RIPOR2: variants seen among roughly 807,000 people sequenced by gnomAD.
The protein encoded by RIPOR2 is RHO family interacting cell polarization regulator 2.
Under a neutral mutation model 114.5 loss-of-function variants are expected in RIPOR2, and 39 were observed. The ratio of observed to expected loss-of-function variants is 0.34; its 90% confidence interval spans 0.26 to 0.44. The LOEUF (loss-of-function observed/expected upper bound fraction) is 0.44. RIPOR2 is among the 20% of genes least tolerant of loss of function. The pLI is 1.00. For synonymous variants in RIPOR2, 445 were observed against 484.4 expected (o/e 0.92, Z 1.07); for missense variants, 1,007 against 1,255.1 (o/e 0.80, Z 2.99).
At chr6:24,833,231 A>C (rs1760821483) in intron 15 of RIPOR2, among the ~76,000 whole-genome samples, 1 of 152,178 alleles carries the variant, frequency 6.6e-6, no homozygotes, top group African/African-American at 2.4e-5. Context: ...GGGACTCTAA[A>C]ACAAATAGGA....
At chr6:24,955,028 C>T (rs1397350263) in intron 1 of RIPOR2, among the ~76,000 whole-genome samples, 3 of 152,154 alleles carry the variant, frequency 2.0e-5, no homozygotes, top group Middle Eastern at 3.4e-3. Context: ...GACATATATA[C>T]TGAGTATGTG....
intron 7 of RIPOR2, among the ~76,000 whole-genome samples, chr6:24,861,931 A>G (rs977792536): frequency 2.0e-5 from 3 of 152,254 alleles, no homozygotes; most frequent in African/African-American, 4.8e-5. Flanking sequence ...TTTGGGGCCA[A>G]AAGAGCACAA....
In RIPOR2 at chr6:24,949,767, G is replaced by A. The variant is rs553703950; in HGVS notation, c.77-73950C>T. ...TCAGAGATCTGAAGCTGGTTAGCAA[G>A]AGTTCACCAGGGCCTAGCTCCTTGT... On this transcript the variant is annotated intron_variant, in intron 1 of 13. Transcript: ENST00000510784. Among the ~76,000 whole-genome samples the A allele has an allele frequency of 3.3e-5, 5 of 152,366 alleles. No individual in the cohort carries two copies. In the South Asian group the frequency reaches 1.0e-3, roughly 32 times the overall value.
chr6:24,952,985 T>C (rs1184908237), intron 1 of RIPOR2, among the ~76,000 whole-genome samples: 1 of 152,176 alleles, frequency 6.6e-6, no homozygotes, highest in Non-Finnish European at 1.5e-5. Context: ...CCGAATTTCA[T>C]ATATAGAAGT....
intron 1 of RIPOR2, chr6:25,015,884 GC>G: frequency 8.3e-6 from 1 of 120,004 alleles, no homozygotes; most frequent in Admixed American, 9.2e-5. Flanking sequence ...CCTTAAAAAC[GC>G]AGGTTTTTTG....
intron 1 of RIPOR2, among the ~76,000 whole-genome samples, chr6:24,954,139 A>G (rs1017293439): frequency 2.0e-5 from 3 of 152,160 alleles, no homozygotes; most frequent in African/African-American, 7.2e-5. Context: ...GCCCTAAATA[A>G]AATTACCTGG....
intron 1 of RIPOR2, among the ~76,000 whole-genome samples, chr6:24,893,963 G>C (rs1767608902): frequency 2.0e-5 from 3 of 152,286 alleles, no homozygotes; most frequent in Middle Eastern, 6.8e-3. Flanking sequence ...AAAATGAAAA[G>C]ATTAAATGAT....
intron 4 of RIPOR2, among the ~76,000 whole-genome samples, chr6:24,871,748 T>C (rs1765199804): frequency 6.6e-6 from 1 of 152,172 alleles, no homozygotes; most frequent in Non-Finnish European, 1.5e-5. Context: ...GTATAATCAG[T>C]GCACTATCCT....
chr6:24,943,432 G>A (rs748675305), intron 1 of RIPOR2, among the ~76,000 whole-genome samples: 12 of 152,070 alleles, frequency 7.9e-5, no homozygotes, highest in Non-Finnish European at 1.6e-4. Context: ...CATGGCACAT[G>A]CATACGTATG....
intron 1 of RIPOR2, among the ~76,000 whole-genome samples, chr6:24,894,490 C>T (rs1767659056): frequency 6.6e-6 from 1 of 152,134 alleles, no homozygotes; most frequent in Non-Finnish European, 1.5e-5. Context: ...GCAGAATTCC[C>T]TTACTATTAA....
intron 1 of RIPOR2, among the ~76,000 whole-genome samples, chr6:25,032,133 A>T (rs1365206545): frequency 6.6e-6 from 1 of 150,684 alleles, no homozygotes; most frequent in African/African-American, 2.4e-5. Context: ...ACTCACTTAC[A>T]TGAATTTACT....
intron 19 of RIPOR2, among the ~76,000 whole-genome samples, chr6:24,822,784 T>C (rs1581489666): frequency 6.6e-6 from 1 of 152,194 alleles, no homozygotes; most frequent in African/African-American, 2.4e-5. Flanking sequence ...CTTCCCAAAG[T>C]GTTGGGATTA....
intron 8 of RIPOR2, among the ~76,000 whole-genome samples, chr6:24,855,861 C>G (rs902332399): frequency 1.4e-4 from 21 of 152,228 alleles, no homozygotes; most frequent in African/African-American, 3.6e-4. Context: ...CAGTGAGACC[C>G]TATCTCTACG....
intron 6 of RIPOR2, among the ~76,000 whole-genome samples, chr6:24,868,326 C>T (rs527898328): frequency 7.9e-5 from 12 of 152,096 alleles, no homozygotes; most frequent in Non-Finnish European, 1.5e-4. Context: ...GGGAATAGAA[C>T]CTAGGGCTTC....
intron 8 of RIPOR2, among the ~76,000 whole-genome samples, chr6:24,855,380 T>G (rs907387837): frequency 4.6e-5 from 7 of 152,294 alleles, no homozygotes; most frequent in African/African-American, 1.4e-4. Flanking sequence ...TTATTTTTTT[T>G]TTGTTATATT....
chr6:24,976,604 G>A, intron 1 of RIPOR2: 3 of 1,608,386 alleles, frequency 1.9e-6, no homozygotes, highest in Non-Finnish European at 2.6e-6. Flanking sequence ...CGTGCTCTGA[G>A]CACTGGAGAG....
rs376854579 is a variant in RIPOR2 at position 24,887,138 on chromosome 6, T to C, written c.62-11321A>G. ...GCAGCACAGCCAGAGGGCTCTCACA[T>C]TGCGAACCTCAAAACTTTGAATTAC... On this transcript the variant is annotated intron_variant, in intron 1 of 21. Transcript: ENST00000643898. Among the ~76,000 whole-genome samples, 65 of 152,378 alleles carry C rather than the reference T, an allele frequency of 4.3e-4. 1 individual carries two copies. The South Asian group carries it at 0.011, about 26-fold the overall frequency.
intron 1 of RIPOR2, among the ~76,000 whole-genome samples, chr6:25,002,069 T>C (rs190117483): frequency 2.0e-5 from 3 of 152,258 alleles, no homozygotes; most frequent in Non-Finnish European, 2.9e-5. Flanking sequence ...AAAACAGGCA[T>C]AGACAAATTA....
chr6:24,918,772 C>T (rs1329329660), intron 1 of RIPOR2, among the ~76,000 whole-genome samples: 11 of 152,202 alleles, frequency 7.2e-5, no homozygotes, highest in Admixed American at 7.2e-4. Flanking sequence ...AGGGAACACA[C>T]ACCGAAGCCA....
Sources: gnomAD v4.1 joint callset for allele counts (sites outside exome capture counted in the v4.1 genomes callset) on GRCh38, gnomAD v4.1.1 for gene constraint, MANE v1.5 for transcripts, NCBI Gene and HGNC (gene_info 2026-07-23, HGNC 2026-07-21) for gene names.